Variants in PCDHGA2 observed in about 807,000 individuals in gnomAD.
The protein encoded by PCDHGA2 is protocadherin gamma subfamily A, 2, also known as protocadherin gamma-A2.
A neutral mutation model predicts 59.2 loss-of-function variants in PCDHGA2; 40 were observed. The observed-to-expected ratio is 0.68, with a 90% confidence interval of 0.52 to 0.88. PCDHGA2 has a LOEUF of 0.88. Among genes scored for constraint, PCDHGA2 ranks in the 40% least tolerant of loss-of-function variants. The pLI is 0.00. For missense variants in PCDHGA2, 1,226 were observed against 1,204.0 expected (o/e 1.02, Z -0.27); for synonymous variants, 560 against 526.0 (o/e 1.06, Z -0.89).
rs200524415 is a variant in PCDHGA2, at chr5:141,487,436, G to C, written c.2425-7371G>C. 1 of 1,614,176 alleles carries C rather than the reference G, an allele frequency of 6.2e-7. No individual in the cohort carries two copies. Among genetic ancestry groups the C allele is most frequent in the East Asian group, 2.2e-5 (1 of 44,870 alleles). ...CAATGGGATCCTCCGAATCCAGCTAGGGTCAGATGACCCTATCAAGTTTGT... is the reference window on the plus strand; with the variant it reads ...CAATGGGATCCTCCGAATCCAGCTACGGTCAGATGACCCTATCAAGTTTGT... On this transcript the variant is annotated intron_variant, in intron 1 of 3. Coordinates refer to ENST00000394576, the MANE Select transcript of PCDHGA2 (RefSeq NM_018915.4). This position sits in a 1 kb window ranked among gnomAD's most constrained non-coding sequence, Gnocchi z 5.0.
intron 1 of PCDHGA2, chr5:141,365,344 G>A: frequency 6.2e-7 from 1 of 1,613,966 alleles, no homozygotes; most frequent in South Asian, 1.1e-5. Context: ...TCACAGTACA[G>A]GACGTGAATG....
intron 1 of PCDHGA2, among the ~76,000 whole-genome samples, chr5:141,452,375 G>A (rs1239059045): frequency 2.0e-5 from 3 of 152,194 alleles, no homozygotes; most frequent in African/African-American, 7.2e-5. Context: ...TTTTAGTAGG[G>A]AATAGTATTT....
intron 1 of PCDHGA2, chr5:141,384,930 C>G (rs764481830): frequency 6.2e-7 from 1 of 1,614,060 alleles, no homozygotes; most frequent in Admixed American, 1.7e-5. Context: ...ACCTGGGCAG[C>G]CTTGAGCCCT....
At chr5:141,372,698 C>A in intron 1 of PCDHGA2, 1 of 1,613,986 alleles carries the variant, frequency 6.2e-7, no homozygotes, top group Non-Finnish European at 8.5e-7. Context: ...TTAAATTTCT[C>A]AATATAAAGG....
chr5:141,392,877 A>T, intron 1 of PCDHGA2: 1 of 1,613,506 alleles, frequency 6.2e-7, no homozygotes, highest in Non-Finnish European at 8.5e-7. Flanking sequence ...GCTGCTGGGA[A>T]CGCTGTGGGA....
chr5:141,426,865 T>G (rs2096965950), intron 1 of PCDHGA2: 1 of 456,600 alleles, frequency 2.2e-6, no homozygotes, highest in African/African-American at 2.0e-5. Flanking sequence ...GAATTAGTGC[T>G]GGAGAAGCCC....
At chr5:141,383,596 G>T in intron 1 of PCDHGA2, 1 of 1,613,702 alleles carries the variant, frequency 6.2e-7, no homozygotes, top group Non-Finnish European at 8.5e-7. Context: ...GGTGACAGTG[G>T]TGGATGTGAA....
At chr5:141,393,559 T>A (rs1349401032) in intron 1 of PCDHGA2, 1 of 1,613,814 alleles carries the variant, frequency 6.2e-7, no homozygotes, top group Non-Finnish European at 8.5e-7. Context: ...ATTTACCGAG[T>A]GAAAGTCCTT....
intron 1 of PCDHGA2, chr5:141,429,155 G>A (rs115622025): frequency 0.044 from 6,389 of 145,752 alleles, 216 homozygotes; most frequent in African/African-American, 0.099. Flanking sequence ...CACCCGGCCC[G>A]GAGACATTGT....
chr5:141,468,374 C>T (rs1340499708), intron 1 of PCDHGA2: 2 of 150,736 alleles, frequency 1.3e-5, no homozygotes, highest in Non-Finnish European at 3.0e-5. Context: ...ATAACTCAGC[C>T]ATACAAGGCT....
intron 1 of PCDHGA2, chr5:141,366,217 G>A: frequency 1.9e-6 from 3 of 1,613,788 alleles, no homozygotes; most frequent in South Asian, 2.2e-5. Context: ...TGCGCACAGC[G>A]CGAGCCCTGC....
In PCDHGA2 at chr5:141,351,679, C is replaced by G. The variant is rs548473707; in HGVS notation, c.2424+10284C>G. 2.5e-6 allele frequency: 4 copies of G among 1,613,996 alleles called. No homozygotes were observed. In the Admixed American group the frequency reaches 5.0e-5, roughly 20 times the overall value. On this transcript the variant is annotated intron_variant, in intron 1 of 3. Transcript: ENST00000394576. ...CCTCCATTGCACAAGTAAGCGCCTC[C>G]GACCCGGATTTGGGACCCAACGGCA... is the stretch of plus-strand genomic sequence containing the variant.
Position 141,432,405 on chromosome 5 carries a change from GC to G in PCDHGA2, c.2425-62400del. On this transcript the variant is annotated intron_variant, in intron 1 of 3. Coordinates refer to ENST00000394576, the MANE Select transcript of PCDHGA2 (RefSeq NM_018915.4). This position sits in a 1 kb window ranked among gnomAD's most constrained non-coding sequence, Gnocchi z 6.0. ...CCCCTCAGCAGCAACGTGTCGTTGA[GC>G]CTGTTCGTGCTGGACCAGAACGACA... The G allele has an allele frequency of 6.2e-7, 1 of 1,614,246 alleles. No individual in the cohort carries two copies. Among genetic ancestry groups the G allele is most frequent in the South Asian group, 1.1e-5 (1 of 91,084 alleles).
chr5:141,511,560 TC>T lies in PCDHGA2; in HGVS notation c.*390del. ...CCACCCCACTCCAACAGTTCCTCTT[TC>T]CCGAGTAAGGTGGTTGGGGTGTTGA... On this transcript the variant is annotated 3_prime_UTR_variant, in exon 4 of 4. Transcript: ENST00000394576. 3.3e-6 allele frequency: 1 copy of T among 298,990 alleles called. No individual in the cohort carries two copies. The highest frequency in any genetic ancestry group is 3.7e-5 in the South Asian group (1 of 27,250). The allele number at this position is 298,990 out of a possible 1,614,324, so 18.5% of individuals were successfully genotyped here. A position where few individuals can be genotyped will look rare whatever the true frequency, so the allele number is the denominator to read the frequency against.
intron 1 of PCDHGA2, chr5:141,424,621 T>C (rs560809778): frequency 6.6e-6 from 1 of 152,346 alleles, no homozygotes; most frequent in Non-Finnish European, 1.5e-5. Context: ...TAGAGTAGTT[T>C]GTGAATATAT....
At position 141,376,680 on chromosome 5, in the gene PCDHGA2, T is replaced by G. The variant is rs554753091; in HGVS notation, c.2424+35285T>G. 2,414 of 666,784 alleles carry G rather than the reference T, an allele frequency of 3.6e-3. 9 individuals carry two copies. The highest frequency in any genetic ancestry group is 3.7e-3 in the Non-Finnish European group (1,658 of 442,514). 41.3% of individuals were successfully genotyped at this position (666,784 alleles called of 1,614,324 possible). A position where few individuals can be genotyped will look rare whatever the true frequency, so the allele number is the denominator to read the frequency against. ...CCTTGTTCAGGTGAGGGTATCGTTT[T>G]TTTTTTTTTTTTTTTTTGAGACGGA... On this transcript the variant is annotated intron_variant, in intron 1 of 3. Coordinates refer to ENST00000394576, the MANE Select transcript of PCDHGA2 (RefSeq NM_018915.4).
At chr5:141,344,450 A>G (rs1468158906) in intron 1 of PCDHGA2, 1 of 1,613,824 alleles carries the variant, frequency 6.2e-7, no homozygotes, top group African/African-American at 1.3e-5. Flanking sequence ...AGGAATTGGA[A>G]ATAAAAATTG....
Position 141,486,107 on chromosome 5 carries a change from A to T in PCDHGA2, c.2425-8700A>T, listed in dbSNP as rs758269750. ...TCTTTTGGGGCCCCTAGACTTTGAG[A>T]GTGAGAATTACTATGAATTTGATGT... is the stretch of plus-strand genomic sequence containing the variant. On this transcript the variant is annotated intron_variant, in intron 1 of 3. Transcript: ENST00000394576. The surrounding 1 kb of genome is among the most constrained non-coding windows in gnomAD (Gnocchi z 5.0). The T allele has an allele frequency of 6.2e-7, 1 of 1,614,102 alleles. No individual in the cohort carries two copies. Among genetic ancestry groups the T allele is most frequent in the South Asian group, 1.1e-5 (1 of 91,080 alleles).
intron 1 of PCDHGA2, among the ~76,000 whole-genome samples, chr5:141,454,658 G>A (rs961640658): frequency 7.2e-5 from 11 of 151,812 alleles, no homozygotes; most frequent in Admixed American, 6.6e-5. Context: ...TGCCCACCTC[G>A]GCCTCCCAAA....
Sources: allele counts gnomAD v4.1 joint callset (sites outside exome capture counted in the v4.1 genomes callset), GRCh38; gene constraint gnomAD v4.1.1; non-coding constraint Gnocchi (gnomAD v3.1); transcripts MANE v1.5; gene names NCBI Gene and HGNC (gene_info 2026-07-23, HGNC 2026-07-21).